Variants in ADCY5 observed in about 807,000 individuals in gnomAD.
ADCY5 encodes the protein adenylate cyclase type 5.
Under a neutral mutation model 119.7 loss-of-function variants are expected in ADCY5, and 30 were observed. The observed-to-expected ratio is 0.25, with a 90% CI of 0.19 to 0.34. ADCY5 has a LOEUF of 0.34. Among genes scored for constraint, ADCY5 ranks in the 10% least tolerant of loss-of-function variants. ADCY5 has a pLI of 1.00. For missense variants in ADCY5, 1,324 were observed against 1,775.2 expected, an observed-to-expected ratio of 0.75 and a Z score of 4.57; for synonymous variants, 753 against 762.2, an observed-to-expected ratio of 0.99 and a Z score of 0.20.
At chr3:123,296,965 C>A in intron 16 of ADCY5, 1 of 1,534,438 alleles carries the variant, frequency 6.5e-7, no homozygotes. Context: ...GTCCCACAAG[C>A]ACTGCAGCCC....
intron 1 of ADCY5, among the ~76,000 whole-genome samples, chr3:123,370,204 C>G (rs1943587904): frequency 6.6e-6 from 1 of 152,202 alleles, no homozygotes; most frequent in Non-Finnish European, 1.5e-5. Context: ...AATATATTCT[C>G]AGTTTGAAGT....
chr3:123,291,128 G>A lies in ADCY5; in HGVS notation c.3312C>T (p.Ile1104=), dbSNP rs774740790. 1.5e-5 allele frequency: 24 copies of A among 1,613,434 alleles called. No individual in the cohort carries two copies. In the Middle Eastern group the frequency reaches 4.9e-4, roughly 33 times the overall value. The change falls in exon 18 of 21, where the codon ATC becomes ATT. Residue 1104 remains isoleucine, a synonymous_variant. Transcript: ENST00000462833. ...VECLRLLNEI[I]ADFDEIISED... Reference sequence around the variant, plus strand: ...CGCTGTGCACCTCATCAAAGTCAGCGATGATCTCATTGAGTAGCCGCAGGC... The same window carrying A: ...CGCTGTGCACCTCATCAAAGTCAGCAATGATCTCATTGAGTAGCCGCAGGC...
chr3:123,353,753 A>G (rs951737072), intron 1 of ADCY5, among the ~76,000 whole-genome samples: 1 of 152,140 alleles, frequency 6.6e-6, no homozygotes, highest in African/African-American at 2.4e-5. Flanking sequence ...GATGACTCCT[A>G]CGCTCTTCTC....
Position 123,289,874 on chromosome 3 carries a change from G to A in ADCY5, c.3408C>T (p.Asn1136=), listed in dbSNP as rs754358998. The A allele has an allele frequency of 8.1e-6, 13 of 1,614,102 alleles. No homozygotes were observed. The highest frequency in any genetic ancestry group is 8.0e-5 in the African/African-American group (6 of 74,934). The stretch of plus-strand genomic sequence containing the variant: ...TGCCCACCTTGTCGTAGGTAGAGTC[G>A]TTGAGGCCGGAGGCAGCCATGTAGG... ...GSTYMAASGL[N]DSTYDKVGKT... The change falls in exon 19 of 21, where the codon AAC becomes AAT. Residue 1136 remains asparagine (N), a synonymous_variant. Coordinates refer to ENST00000462833, the MANE Select transcript of ADCY5 (RefSeq NM_183357.3).
At chr3:123,390,638 G>C (rs752595997) in intron 1 of ADCY5, among the ~76,000 whole-genome samples, 7 of 152,234 alleles carry the variant, frequency 4.6e-5, no homozygotes, top group Admixed American at 3.3e-4. Flanking sequence ...TAAAGACAGA[G>C]GGCTGGGCTT....
chr3:123,319,907 C>T, intron 9 of ADCY5, 89 bp from the exon 10 acceptor site: 5 of 1,528,150 alleles, frequency 3.3e-6, no homozygotes, highest in Non-Finnish European at 3.6e-6. Flanking sequence ...CCCAGACTCT[C>T]GGAGAGGCCT....
At chr3:123,303,290 C>A (rs1285517039) in intron 13 of ADCY5, 71 bp from the exon 14 acceptor site, 1 of 1,491,900 alleles carries the variant, frequency 6.7e-7, no homozygotes, top group Admixed American at 1.9e-5. Context: ...CCCAGCCCAC[C>A]AGGCCGCAGG....
At chr3:123,376,434 G>A (rs999500609) in intron 1 of ADCY5, among the ~76,000 whole-genome samples, 2 of 151,918 alleles carry the variant, frequency 1.3e-5, no homozygotes. Context: ...TCTTCAAGGA[G>A]GAGCATATGT....
intron 1 of ADCY5, among the ~76,000 whole-genome samples, chr3:123,379,535 C>G (rs1296883501): frequency 1.3e-5 from 2 of 152,100 alleles, no homozygotes; most frequent in Non-Finnish European, 2.9e-5. Flanking sequence ...CTTGAGAGAG[C>G]CCAGAACAGC....
At chr3:123,335,390 ACAGT>A (rs1486337539) in intron 3 of ADCY5, among the ~76,000 whole-genome samples, 3 of 152,170 alleles carry the variant, frequency 2.0e-5, no homozygotes, top group East Asian at 1.9e-4. Context: ...ACATTTTAAA[ACAGT>A]CAGACACTAT....
chr3:123,284,066 T>C lies in ADCY5; in HGVS notation c.*542A>G, dbSNP rs1408736946. The C allele has an allele frequency of 6.5e-6, 1 of 152,900 alleles. No individual in the cohort carries two copies. The highest frequency in any genetic ancestry group is 1.5e-5 in the Non-Finnish European group (1 of 68,550). 9.5% of individuals were successfully genotyped at this position (152,900 alleles called of 1,614,324 possible). ...GGCACTGTCTGTGTGCGTGGAGGTGTGGGCAGAGGACCACGATGAAGGCCA... is the reference window on the plus strand; with the variant it reads ...GGCACTGTCTGTGTGCGTGGAGGTGCGGGCAGAGGACCACGATGAAGGCCA... On this transcript the variant is annotated 3_prime_UTR_variant, in exon 21 of 21. Coordinates refer to ENST00000462833, the MANE Select transcript of ADCY5 (RefSeq NM_183357.3).
intron 7 of ADCY5, 146 bp downstream of exon 7, chr3:123,327,472 C>T (rs868341257): frequency 4.0e-5 from 35 of 882,388 alleles, no homozygotes; most frequent in Middle Eastern, 3.5e-4. Context: ...GCCTAACTGC[C>T]GGGGTCCTTT....
chr3:123,369,063 C>T (rs1943548526), intron 1 of ADCY5, among the ~76,000 whole-genome samples: 1 of 152,096 alleles, frequency 6.6e-6, no homozygotes, highest in African/African-American at 2.4e-5. Context: ...GAACTTAATC[C>T]TCAAATTCAC....
chr3:123,315,667 C>G (rs886974715), intron 11 of ADCY5, among the ~76,000 whole-genome samples: 3 of 150,868 alleles, frequency 2.0e-5, no homozygotes, highest in African/African-American at 7.3e-5. Flanking sequence ...TCTCTGCCTC[C>G]CAGCTTCAAG....
At chr3:123,426,495 T>C (rs1202014011) in intron 1 of ADCY5, among the ~76,000 whole-genome samples, 1 of 151,942 alleles carries the variant, frequency 6.6e-6, no homozygotes, top group Admixed American at 6.6e-5. Flanking sequence ...GGCTAATTTT[T>C]TTTAATTTTT....
intron 8 of ADCY5, 152 bp from the exon 9 acceptor site, chr3:123,320,923 C>T (rs996873534): frequency 3.1e-6 from 2 of 645,150 alleles, no homozygotes; most frequent in Middle Eastern, 2.5e-4. Context: ...CCTTTCCTTC[C>T]TTCCTTCACT....
intron 1 of ADCY5, among the ~76,000 whole-genome samples, chr3:123,390,933 G>A (rs567878408): frequency 2.6e-5 from 4 of 151,918 alleles, no homozygotes; most frequent in African/African-American, 9.7e-5. Flanking sequence ...ACATTTCAAG[G>A]CCTCCCTCTT....
intron 3 of ADCY5, among the ~76,000 whole-genome samples, chr3:123,336,854 C>CCATAT (rs1942052997): frequency 1.3e-5 from 2 of 152,216 alleles, no homozygotes; most frequent in East Asian, 3.8e-4. Context: ...TCACACTAGA[C>CCATAT]CATATGGTCC....
intron 1 of ADCY5, among the ~76,000 whole-genome samples, chr3:123,447,053 C>A (rs1945829212): frequency 6.6e-6 from 1 of 152,154 alleles, no homozygotes; most frequent in Non-Finnish European, 1.5e-5. Context: ...AGGGTCCAGC[C>A]ACTTTCGTTA....
Sources: allele counts gnomAD v4.1 joint callset (sites outside exome capture counted in the v4.1 genomes callset), GRCh38; gene constraint gnomAD v4.1.1; transcripts MANE v1.5; gene names NCBI Gene and HGNC (gene_info 2026-07-23, HGNC 2026-07-21).